UNC13C: variants seen among roughly 807,000 people sequenced by gnomAD.
UNC13C encodes the protein unc-13 homolog C, also known as protein unc-13 homolog C.
A neutral mutation model predicts 245.4 loss-of-function variants in UNC13C; 174 were observed. The observed-to-expected ratio is 0.71, with a 90% CI of 0.63 to 0.80. The LOEUF (loss-of-function observed/expected upper bound fraction) is 0.80, where lower values mean the gene tolerates loss of function less well. Ranked by LOEUF, UNC13C falls within the 30% of genes least tolerant of loss-of-function variation. UNC13C has a pLI of 0.00. For missense variants in UNC13C, 2,829 were observed against 2,602.9 expected (o/e 1.09, Z -1.89); for synonymous variants, 992 against 895.1 (o/e 1.11, Z -1.93).
chr15:53,852,512 C>A, the UNC13C span, among the ~76,000 whole-genome samples: 3 of 152,148 alleles, frequency 2.0e-5, no homozygotes, highest in Non-Finnish European at 4.4e-5. Context: ...GTCACCCCAA[C>A]ATAAATTTCT....
intron 2 of UNC13C, among the ~76,000 whole-genome samples, chr15:54,056,733 G>A (rs1325771636): frequency 6.6e-6 from 1 of 152,178 alleles, no homozygotes; most frequent in Non-Finnish European, 1.5e-5. Context: ...ACCCAGAAAG[G>A]GAAGCCCATC....
chr15:54,089,394 G>A (rs866511924), intron 2 of UNC13C, among the ~76,000 whole-genome samples: 12 of 152,114 alleles, frequency 7.9e-5, no homozygotes, highest in African/African-American at 2.2e-4. Flanking sequence ...CTGGGTTTGC[G>A]CTTGAGATGG....
intron 19 of UNC13C, among the ~76,000 whole-genome samples, chr15:54,464,952 T>C (rs1253504958): frequency 6.6e-6 from 1 of 151,972 alleles, no homozygotes; most frequent in Non-Finnish European, 1.5e-5. Context: ...CTAGCCCCAA[T>C]GATTATAGAA....
intron 2 of UNC13C, among the ~76,000 whole-genome samples, chr15:54,124,604 G>A (rs1026629450): frequency 9.2e-5 from 14 of 151,716 alleles, no homozygotes; most frequent in Non-Finnish European, 1.9e-4. Context: ...CTCCTAACAA[G>A]GTCTTTCTAA....
At chr15:54,187,583 C>T (rs1431010890) in intron 4 of UNC13C, among the ~76,000 whole-genome samples, 2 of 152,116 alleles carry the variant, frequency 1.3e-5, no homozygotes, top group Non-Finnish European at 2.9e-5. Flanking sequence ...CCTCCCTTTG[C>T]ATAGCTAACT....
the UNC13C span, among the ~76,000 whole-genome samples, chr15:53,871,675 C>G: frequency 6.6e-6 from 1 of 152,108 alleles, no homozygotes; most frequent in Non-Finnish European, 1.5e-5. Context: ...AGGAGACTCC[C>G]TAGATAGCCT....
At chr15:53,932,950 G>T in the UNC13C span, among the ~76,000 whole-genome samples, 1 of 152,214 alleles carries the variant, frequency 6.6e-6, no homozygotes, top group South Asian at 2.1e-4. Flanking sequence ...CCATTCCTAA[G>T]CTCCAGCCAT....
chr15:53,971,392 T>G, the UNC13C span, among the ~76,000 whole-genome samples: 79 of 152,200 alleles, frequency 5.2e-4, no homozygotes, highest in African/African-American at 1.8e-3. Flanking sequence ...TCTCAGTGAT[T>G]TGTTAAATAT....
At chr15:54,217,284 G>A (rs1414787466) in intron 4 of UNC13C, among the ~76,000 whole-genome samples, 1 of 151,912 alleles carries the variant, frequency 6.6e-6, no homozygotes, top group African/African-American at 2.4e-5. Context: ...GTGGATAAGG[G>A]CAAGGCAAGG....
intron 10 of UNC13C, among the ~76,000 whole-genome samples, chr15:54,286,785 A>G (rs551049720): frequency 2.6e-5 from 4 of 152,328 alleles, no homozygotes; most frequent in African/African-American, 9.6e-5. Flanking sequence ...TGTAAATTAG[A>G]AACTAAAATC....
intron 15 of UNC13C, 85 bp from the exon 16 acceptor site, chr15:54,333,682 T>G (rs960003085): frequency 1.8e-5 from 15 of 811,798 alleles, no homozygotes; most frequent in Non-Finnish European, 2.8e-5. Flanking sequence ...TTCCATTTTC[T>G]TTCATGAGAA....
chr15:53,933,064 A>T, the UNC13C span, among the ~76,000 whole-genome samples: 1 of 152,218 alleles, frequency 6.6e-6, no homozygotes, highest in East Asian at 1.9e-4. Flanking sequence ...AATCCTGTTG[A>T]TTATTTTTGT....
chr15:54,275,938 A>G (rs2036821844), intron 10 of UNC13C, among the ~76,000 whole-genome samples: 1 of 152,166 alleles, frequency 6.6e-6, no homozygotes, highest in Admixed American at 6.5e-5. Context: ...AATACTAGTT[A>G]ATAGTGAAAA....
the UNC13C span, among the ~76,000 whole-genome samples, chr15:53,915,644 ATTTTT>A: frequency 6.6e-6 from 1 of 152,278 alleles, no homozygotes; most frequent in Non-Finnish European, 1.5e-5. Context: ...ATTAGTAAAT[ATTTTT>A]AAAACAAGTT....
chr15:54,538,133 C>CAAAAAAAAAAAAAAAAA (rs56041311), intron 26 of UNC13C, among the ~76,000 whole-genome samples: 28 of 10,254 alleles, frequency 2.7e-3, no homozygotes, highest in East Asian at 4.6e-3. Context: ...CATTAACAAG[C>CAAAAAAAAAAAAAAAAA]AAAAAAAAAA....
intron 4 of UNC13C, among the ~76,000 whole-genome samples, chr15:54,228,083 T>C (rs1250929174): frequency 6.6e-6 from 1 of 152,146 alleles, no homozygotes; most frequent in African/African-American, 2.4e-5. Context: ...TCCTACTCAC[T>C]TTCCATCTCC....
chr15:54,548,208 CTTT>C (rs60975842), intron 27 of UNC13C, among the ~76,000 whole-genome samples: 10 of 61,928 alleles, frequency 1.6e-4, no homozygotes, highest in Middle Eastern at 0.014. Context: ...GTTTCTTTTG[CTTT>C]TTTTTTTTTT....
chr15:54,548,347 A>G (rs7179699), intron 27 of UNC13C, among the ~76,000 whole-genome samples: 6,770 of 147,692 alleles, frequency 0.046, 475 homozygotes, highest in African/African-American at 0.16. Context: ...TCAGCCTCCC[A>G]AGTAGCTGGG....
At chr15:53,973,879 C>G (rs576232420), upstream of UNC13C, among the ~76,000 whole-genome samples, 4 of 152,102 alleles carry the variant, frequency 2.6e-5, no homozygotes, top group Admixed American at 2.6e-4. Context: ...ATAATTTACT[C>G]CATTTAATTA....
Sources: gnomAD v4.1 joint callset for allele counts (sites outside exome capture counted in the v4.1 genomes callset) on GRCh38, gnomAD v4.1.1 for gene constraint, MANE v1.5 for transcripts, NCBI Gene and HGNC (gene_info 2026-07-23, HGNC 2026-07-21) for gene names.